SSBP2: variants seen among roughly 807,000 people sequenced by gnomAD.
SSBP2 encodes single-stranded DNA-binding protein 2.
In SSBP2, 17 loss-of-function variants were observed where a neutral mutation model predicts 61.8. That is an observed-to-expected ratio of 0.28 (90% CI 0.19 to 0.41). The LOEUF is 0.41. Ranked by LOEUF, SSBP2 falls within the 10% of genes least tolerant of loss-of-function variation. The pLI, the probability that SSBP2 is intolerant of heterozygous loss-of-function variation, is 1.00. For missense variants in SSBP2, 310 were observed against 458.7 expected (o/e 0.68, Z 2.96); for synonymous variants, 139 against 141.3 (o/e 0.98, Z 0.12).
intron 15 of SSBP2, among the ~76,000 whole-genome samples, chr5:81,429,835 G>A (rs1345543027): frequency 6.6e-6 from 1 of 152,158 alleles, no homozygotes; most frequent in Admixed American, 6.5e-5. Flanking sequence ...TAGATGAGCT[G>A]GTAGAAATAC....
At chr5:81,613,329 A>G (rs956733427) in intron 4 of SSBP2, among the ~76,000 whole-genome samples, 1 of 152,208 alleles carries the variant, frequency 6.6e-6, no homozygotes, top group Admixed American at 6.5e-5. Flanking sequence ...TTCCTCCTTT[A>G]AAATCTACTC....
chr5:81,461,487 G>T (rs760571840), intron 9 of SSBP2, among the ~76,000 whole-genome samples: 2 of 151,748 alleles, frequency 1.3e-5, no homozygotes, highest in African/African-American at 4.8e-5. Flanking sequence ...TGAGCTTCCT[G>T]TATCTCATTC....
At chr5:81,551,968 TTTAATTGAA>T (rs1772226508) in intron 4 of SSBP2, among the ~76,000 whole-genome samples, 1 of 152,110 alleles carries the variant, frequency 6.6e-6, no homozygotes, top group Non-Finnish European at 1.5e-5. Context: ...TCAGAAAACA[TTTAATTGAA>T]TCATAAAAGG....
chr5:81,468,981 A>T (rs1765070930), intron 8 of SSBP2, among the ~76,000 whole-genome samples: 1 of 151,974 alleles, frequency 6.6e-6, no homozygotes, highest in South Asian at 2.1e-4. Context: ...CAAAATCTGA[A>T]TGGTAAAATA....
chr5:81,684,703 C>A (rs150276208), intron 1 of SSBP2, among the ~76,000 whole-genome samples: 1 of 152,184 alleles, frequency 6.6e-6, no homozygotes, highest in Non-Finnish European at 1.5e-5. Context: ...TGTACCCCGA[C>A]TGCATCTTGG....
chr5:81,750,398 C>T (rs888979711), intron 1 of SSBP2, among the ~76,000 whole-genome samples: 1 of 146,226 alleles, frequency 6.8e-6, no homozygotes, highest in Non-Finnish European at 1.5e-5. Flanking sequence ...CGCTCGGCCG[C>T]TCCACGCCCG....
intron 1 of SSBP2, among the ~76,000 whole-genome samples, chr5:81,662,537 C>T (rs2153746228): frequency 6.6e-6 from 1 of 152,174 alleles, no homozygotes; most frequent in South Asian, 2.1e-4. Flanking sequence ...GGTGCATTGG[C>T]TCACACCTGT....
intron 4 of SSBP2, among the ~76,000 whole-genome samples, chr5:81,569,442 T>G (rs1365258268): frequency 6.6e-6 from 1 of 152,180 alleles, no homozygotes; most frequent in Non-Finnish European, 1.5e-5. Flanking sequence ...ATACACATAG[T>G]ATATGTATGT....
intron 1 of SSBP2, among the ~76,000 whole-genome samples, chr5:81,704,535 G>A (rs382523): frequency 0.47 from 71,677 of 151,916 alleles, 17,546 homozygotes; most frequent in Middle Eastern, 0.69. Flanking sequence ...ATGGTGGCTC[G>A]GCCTGTAATC....
intron 4 of SSBP2, among the ~76,000 whole-genome samples, chr5:81,530,056 A>C (rs1490000713): frequency 1.3e-5 from 2 of 152,130 alleles, no homozygotes; most frequent in South Asian, 2.1e-4. Context: ...ATAGAACAGA[A>C]GGTAAGAGAA....
At chr5:81,517,312 T>C (rs1296867240) in intron 4 of SSBP2, among the ~76,000 whole-genome samples, 1 of 151,890 alleles carries the variant, frequency 6.6e-6, no homozygotes, top group East Asian at 1.9e-4. Context: ...CACTGCCAGA[T>C]AATGTATTTT....
chr5:81,442,423 G>A, intron 13 of SSBP2, among the ~76,000 whole-genome samples: 1 of 152,026 alleles, frequency 6.6e-6, no homozygotes, highest in Middle Eastern at 3.4e-3. Flanking sequence ...AAACTAATGT[G>A]TAATTGATTA....
chr5:81,436,005 T>C (rs1007526243), intron 15 of SSBP2, among the ~76,000 whole-genome samples: 2 of 151,940 alleles, frequency 1.3e-5, no homozygotes, highest in Admixed American at 1.3e-4. Flanking sequence ...CTGACCAATA[T>C]GGTGAAACCC....
chr5:81,445,906 C>T (rs1763372373), intron 12 of SSBP2, among the ~76,000 whole-genome samples: 1 of 152,096 alleles, frequency 6.6e-6, no homozygotes, highest in Non-Finnish European at 1.5e-5. Flanking sequence ...TCAAATGAAA[C>T]TGTGATTATA....
chr5:81,552,647 A>G (rs967424381), intron 4 of SSBP2, among the ~76,000 whole-genome samples: 3 of 151,824 alleles, frequency 2.0e-5, no homozygotes, highest in African/African-American at 7.3e-5. Flanking sequence ...CTTAAAAAAA[A>G]AAAAGAAAAA....
chr5:81,612,632 GAAGT>G (rs1262955118), intron 4 of SSBP2, among the ~76,000 whole-genome samples: 1 of 151,984 alleles, frequency 6.6e-6, no homozygotes, highest in East Asian at 1.9e-4. Context: ...TTATAGATAA[GAAGT>G]AACTATAAAA....
At chr5:81,523,086 T>C (rs1769617870) in intron 4 of SSBP2, among the ~76,000 whole-genome samples, 1 of 152,016 alleles carries the variant, frequency 6.6e-6, no homozygotes, top group African/African-American at 2.4e-5. Context: ...ATAAGAGTGC[T>C]GTGACTGGCT....
intron 1 of SSBP2, among the ~76,000 whole-genome samples, chr5:81,667,284 G>GACACAC: frequency 1.1e-5 from 1 of 95,222 alleles, no homozygotes; most frequent in African/African-American, 5.0e-5. Context: ...AAGGGATACA[G>GACACAC]ATACACACAC....
rs566600415 is a variant in SSBP2, at chr5:81,746,986, T to C, written c.62+3995A>G. On this transcript the variant is annotated intron_variant, in intron 1 of 16. Transcript: ENST00000320672. ...ATATAGGAATTGTTCACAACTATTA[T>C]GTTTAACTTTAAAACAAGCAATCAA... is the stretch of plus-strand genomic sequence containing the variant. Among the ~76,000 whole-genome samples the C allele has an allele frequency of 1.4e-4, 20 of 141,400 alleles. No individual in the cohort carries two copies. The East Asian group carries it at 2.3e-3, about 16-fold the overall frequency. The allele number at this position is 141,400 out of a possible 152,430, so 92.8% of individuals were successfully genotyped here.
Sources: gnomAD v4.1 joint callset for allele counts (sites outside exome capture counted in the v4.1 genomes callset) on GRCh38, gnomAD v4.1.1 for gene constraint, MANE v1.5 for transcripts, NCBI Gene and HGNC (gene_info 2026-07-23, HGNC 2026-07-21) for gene names.